Variants in A2M observed in about 807,000 individuals in gnomAD.
The protein encoded by A2M is alpha-2-macroglobulin, also known as C3 and PZP-like alpha-2-macroglobulin domain-containing protein 5.
A neutral mutation model predicts 183.9 loss-of-function variants in A2M; 128 were observed. That is an observed-to-expected ratio of 0.70 (90% CI 0.60 to 0.81). A2M has a LOEUF of 0.81. A2M is among the 30% of genes least tolerant of loss of function. A2M has a pLI of 0.00. For missense variants in A2M, 1,495 were observed against 1,787.6 expected, an observed-to-expected ratio of 0.84 and a Z score of 2.95; for synonymous variants, 592 against 670.8, an observed-to-expected ratio of 0.88 and a Z score of 1.81.
At chr12:9,089,573 T>C (rs922768976) in intron 21 of A2M, among the ~76,000 whole-genome samples, 1 of 152,084 alleles carries the variant, frequency 6.6e-6, no homozygotes, top group African/African-American at 2.4e-5. Context: ...AAATCCTGTC[T>C]CTACTAAAAA....
At chr12:9,093,405 G>T in intron 18 of A2M, 60 bp downstream of exon 18, 1 of 1,142,898 alleles carries the variant, frequency 8.7e-7, no homozygotes, top group Non-Finnish European at 1.3e-6. Flanking sequence ...AACTAGCAAA[G>T]AGTTGAAAAT....
intron 3 of A2M, 32 bp downstream of exon 3, chr12:9,112,345 T>C (rs761154656): frequency 6.2e-7 from 1 of 1,606,876 alleles, no homozygotes; most frequent in East Asian, 2.2e-5. Context: ...CTTTCCTTTT[T>C]GAAGTTGTCC....
chr12:9,072,627 T>C, intron 30 of A2M, 26 bp downstream of exon 30: 1 of 1,611,336 alleles, frequency 6.2e-7, no homozygotes. Flanking sequence ...TCATCTGTCC[T>C]GTCCTCACCT....
At chr12:9,115,433 G>T in intron 1 of A2M, 1 of 187,780 alleles carries the variant, frequency 5.3e-6, no homozygotes, top group Non-Finnish European at 1.1e-5. Context: ...ATAGAAAATG[G>T]ACCCTTGAGA....
At position 9,080,441 on chromosome 12, in the gene A2M, G is replaced by A. The variant is rs1948876906; in HGVS notation, c.2771-264C>T. On this transcript the variant is annotated intron_variant, in intron 22 of 35. Coordinates refer to ENST00000318602, the MANE Select transcript of A2M (RefSeq NM_000014.6). ...ATAAGACAACAAATTGTAAGAGCCT[G>A]GTGATGTTGTGATTCAGTTGCTGTC... The A allele has an allele frequency of 1.2e-5, 3 of 247,610 alleles. No individual in the cohort carries two copies. In the Admixed American group the frequency reaches 1.6e-4, roughly 13 times the overall value. The allele number at this position is 247,610 out of a possible 1,614,324, so 15.3% of individuals were successfully genotyped here. A position where few individuals can be genotyped will look rare whatever the true frequency, so the allele number is the denominator to read the frequency against.
chr12:9,103,808 A>G (rs959664068), intron 11 of A2M, among the ~76,000 whole-genome samples: 4 of 152,138 alleles, frequency 2.6e-5, no homozygotes, highest in African/African-American at 9.7e-5. Context: ...TTACCTGTTC[A>G]TCCCTTGATG....
At chr12:9,072,937 T>C in intron 29 of A2M, 66 bp from the exon 30 acceptor site, 2 of 1,348,510 alleles carry the variant, frequency 1.5e-6, no homozygotes, top group Non-Finnish European at 2.1e-6. Context: ...TGAGATATTT[T>C]TCAAAGACCC....
intron 29 of A2M, among the ~76,000 whole-genome samples, chr12:9,073,819 G>A (rs1036772751): frequency 1.3e-5 from 2 of 152,082 alleles, no homozygotes; most frequent in Non-Finnish European, 2.9e-5. Flanking sequence ...TGGACGCAGT[G>A]GCTCACACCT....
rs375997242 is a variant in A2M, at chr12:9,086,489, A to G, written c.2770+2711T>C. 5.3e-5 allele frequency among the ~76,000 whole-genome samples: 8 copies of G among 152,368 alleles called. No individual in the cohort carries two copies. In the South Asian group the frequency reaches 1.7e-3, roughly 32 times the overall value. On this transcript the variant is annotated intron_variant, in intron 22 of 35. Coordinates refer to ENST00000318602, the MANE Select transcript of A2M (RefSeq NM_000014.6). ...CTGAGATGCAAAAATTGTTCAACATATGCATATCAATAAATGTGATACATT... is the reference window on the plus strand; with the variant it reads ...CTGAGATGCAAAAATTGTTCAACATGTGCATATCAATAAATGTGATACATT...
Position 9,101,711 on chromosome 12 carries a change from T to G in A2M, c.1267-37A>C, listed in dbSNP as rs1242183735. 4.1e-6 allele frequency: 6 copies of G among 1,468,572 alleles called. No homozygotes were observed. In the Admixed American group the frequency reaches 1.1e-4, roughly 28 times the overall value. 91.0% of individuals were successfully genotyped at this position (1,468,572 alleles called of 1,614,324 possible). ...GAAAAATTATATTATTTTTAGATTA[T>G]ACGTCATAAAGATTAATGTTCTCAC... is the stretch of plus-strand genomic sequence containing the variant. On this transcript the variant is annotated intron_variant, in intron 11 of 35. Transcript: ENST00000318602.
chr12:9,076,043 G>C (rs1419416238), intron 28 of A2M, among the ~76,000 whole-genome samples: 2 of 152,102 alleles, frequency 1.3e-5, no homozygotes, highest in Non-Finnish European at 2.9e-5. Flanking sequence ...CGCTCATATA[G>C]ACCATGGTAT....
At chr12:9,115,667 C>G (rs1939062692) in intron 1 of A2M, 97 bp downstream of exon 1, 1 of 871,682 alleles carries the variant, frequency 1.1e-6, no homozygotes, top group Non-Finnish European at 1.9e-6. Context: ...AAGAAGATGA[C>G]AGTATCATAG....
intron 22 of A2M, among the ~76,000 whole-genome samples, chr12:9,082,682 C>T (rs1389073803): frequency 1.3e-5 from 2 of 152,220 alleles, no homozygotes; most frequent in Non-Finnish European, 2.9e-5. Flanking sequence ...AAGAAACTGG[C>T]CAAGCTCAAA....
chr12:9,080,094 C>T lies in A2M; in HGVS notation c.2854G>A (p.Gly952Arg). Residue 952 changes from glycine to arginine, a missense_variant and splice_region_variant, in exon 23 of 36, where the codon GGA becomes AGA. Coordinates refer to ENST00000318602, the MANE Select transcript of A2M (RefSeq NM_000014.6). ...GATCCACTAGGGGCTGGAGACTCAC[C>T]CAAAACTGAGACAGAAGCTCGGGCA... ...ESARASVSVLGDILGSAMQNT... is the reference protein window; with the variant it reads ...ESARASVSVLRDILGSAMQNT... 2 of 1,579,714 alleles carry T rather than the reference C, an allele frequency of 1.3e-6. No homozygotes were observed. Among genetic ancestry groups the T allele is most frequent in the Non-Finnish European group, 8.6e-7 (1 of 1,161,806 alleles).
chr12:9,079,819 G>A lies in A2M; in HGVS notation c.2855-4C>T, dbSNP rs766980486. On this transcript the variant is annotated splice_polypyrimidine_tract_variant and splice_region_variant and intron_variant, in intron 23 of 35. Coordinates refer to ENST00000318602, the MANE Select transcript of A2M (RefSeq NM_000014.6). The stretch of plus-strand genomic sequence containing the variant: ...ATGGCAGAGCCTAATATGTCTCCTA[G>A]AGAATGGGAGAGATGGGAAGTCATA... 5 of 1,580,916 alleles carry A rather than the reference G, an allele frequency of 3.2e-6. No individual in the cohort carries two copies. The East Asian group carries it at 1.1e-4, about 36-fold the overall frequency.
intron 17 of A2M, among the ~76,000 whole-genome samples, chr12:9,094,340 C>CATATATATATATAT (rs59647548): frequency 8.2e-5 from 8 of 97,024 alleles, no homozygotes; most frequent in South Asian, 4.0e-4. Context: ...AAAAATTGTG[C>CATATATATATATAT]ATATATATAT....
chr12:9,068,746 C>T lies in A2M; in HGVS notation c.4360G>A (p.Glu1454Lys), dbSNP rs1948471095. ...GAAAATCACTCTCACTCACCCGTCTCGTAGTAATCATAGACTTTCACTATG... is the reference window on the plus strand; with the variant it reads ...GAAAATCACTCTCACTCACCCGTCTTGTAGTAATCATAGACTTTCACTATG... ...PAIVKVYDYYETDEFAIAEYN... is the reference protein window; with the variant it reads ...PAIVKVYDYYKTDEFAIAEYN... The change falls in exon 34 of 36, where the codon GAG becomes AAG. Residue 1454 changes from glutamate to lysine, a missense_variant. By Grantham distance (56) the Glu-to-Lys change is moderately conservative. Transcript: ENST00000318602. 5.0e-6 allele frequency: 8 copies of T among 1,599,148 alleles called. No individual in the cohort carries two copies. Among genetic ancestry groups the T allele is most frequent in the African/African-American group, 1.3e-5 (1 of 74,896 alleles).
At chr12:9,082,480 C>T (rs1247812425) in intron 22 of A2M, among the ~76,000 whole-genome samples, 1 of 152,226 alleles carries the variant, frequency 6.6e-6, no homozygotes, top group Non-Finnish European at 1.5e-5. Flanking sequence ...AACTAGGGAA[C>T]CCATGAAAAC....
chr12:9,107,145 G>C (rs1938356334), intron 8 of A2M, among the ~76,000 whole-genome samples: 1 of 152,006 alleles, frequency 6.6e-6, no homozygotes, highest in Non-Finnish European at 1.5e-5. Context: ...TTCTATATGG[G>C]GACTGTGTTT....
Sources: gnomAD v4.1 joint callset for allele counts (sites outside exome capture counted in the v4.1 genomes callset) on GRCh38, gnomAD v4.1.1 for gene constraint, MANE v1.5 for transcripts, NCBI Gene and HGNC (gene_info 2026-07-23, HGNC 2026-07-21) for gene names.